VDR: variants seen among roughly 807,000 people sequenced by gnomAD.
VDR encodes the protein vitamin D receptor.
In VDR, 19 loss-of-function variants were observed where a neutral mutation model predicts 39.7. That is an observed-to-expected ratio of 0.48 (90% CI 0.33 to 0.70). The LOEUF is 0.70. VDR is among the 30% of genes least tolerant of loss of function. VDR has a pLI of 0.02. For synonymous variants in VDR, 242 were observed against 215.8 expected (o/e 1.12, Z -1.07); for missense variants, 442 against 570.5 (o/e 0.77, Z 2.29).
chr12:47,868,008 G>A (rs1165146713), intron 3 of VDR, among the ~76,000 whole-genome samples: 1 of 152,134 alleles, frequency 6.6e-6, no homozygotes, highest in Non-Finnish European at 1.5e-5. Context: ...ATCCACAGAG[G>A]GCCCAAGAGA....
At chr12:47,888,541 A>T (rs529939233) in intron 1 of VDR, among the ~76,000 whole-genome samples, 188 of 152,258 alleles carry the variant, frequency 1.2e-3, no homozygotes, top group African/African-American at 4.3e-3. Context: ...CTTTTTTCCA[A>T]TGGAAACTCT....
In VDR at chr12:47,879,060, C is replaced by T. The variant is rs773934852; in HGVS notation, c.54G>A (p.Arg18=). The change falls in exon 3 of 10, where the codon CGG becomes CGA. Residue 18 remains arginine (R), a synonymous_variant. Transcript: ENST00000549336. ...ACACCCCACAGATCCGGGGCACGTT[C>T]CGGTCAAAGTCTCCAGGGTCAGGCA... ...TSLPDPGDFD[R]NVPRICGVCG... 1.9e-6 allele frequency: 3 copies of T among 1,614,178 alleles called. No homozygotes were observed. The highest frequency in any genetic ancestry group is 2.2e-5 in the South Asian group (2 of 91,074).
At chr12:47,891,836 C>T (rs1272582805) in intron 1 of VDR, among the ~76,000 whole-genome samples, 2 of 152,196 alleles carry the variant, frequency 1.3e-5, no homozygotes, top group East Asian at 1.9e-4. Flanking sequence ...GGACCTGAAG[C>T]TTGACTACCT....
intron 1 of VDR, among the ~76,000 whole-genome samples, chr12:47,889,387 C>T (rs1378424864): frequency 6.6e-6 from 1 of 152,110 alleles, no homozygotes; most frequent in East Asian, 2.0e-4. Flanking sequence ...ATGCAGACTG[C>T]AGCAGGTCCT....
In VDR at chr12:47,868,947, G is replaced by C. The variant is rs527746423; in HGVS notation, c.147-3770C>G. Among the ~76,000 whole-genome samples, 114 of 152,278 alleles carry C rather than the reference G, an allele frequency of 7.5e-4. 2 individuals are homozygous for C. The highest frequency in any genetic ancestry group is 2.6e-3 in the African/African-American group (109 of 41,556). Reference sequence around the variant, plus strand: ...CCAGCCACCACCTACAGTGATGTGAGCCAAAGCCTCTCACCAGACTGGGCC... The same window carrying C: ...CCAGCCACCACCTACAGTGATGTGACCCAAAGCCTCTCACCAGACTGGGCC... On this transcript the variant is annotated intron_variant, in intron 3 of 9. Transcript: ENST00000549336.
chr12:47,867,924 G>A (rs184443427), intron 3 of VDR, among the ~76,000 whole-genome samples: 2 of 152,264 alleles, frequency 1.3e-5, no homozygotes, highest in Non-Finnish European at 2.9e-5. Context: ...GGACCACACC[G>A]ACTCAGCCCC....
chr12:47,871,487 G>A (rs558395199), intron 3 of VDR, among the ~76,000 whole-genome samples: 20 of 129,082 alleles, frequency 1.5e-4, no homozygotes, highest in Admixed American at 4.1e-4. Context: ...TTTTCTGGAT[G>A]GAATTTCACT....
chr12:47,862,093 T>C (rs1945637985), intron 4 of VDR, among the ~76,000 whole-genome samples: 1 of 152,250 alleles, frequency 6.6e-6, no homozygotes, highest in Non-Finnish European at 1.5e-5. Context: ...AGAAAAGACA[T>C]ACATCTGTAA....
In VDR at chr12:47,846,461, A is replaced by G; in HGVS notation, c.908-10T>C. On this transcript the variant is annotated splice_polypyrimidine_tract_variant and intron_variant, in intron 8 of 9. Coordinates refer to ENST00000549336, the MANE Select transcript of VDR (RefSeq NM_000376.3). Reference sequence around the variant, plus strand: ...TCCAGGCTGTGTCCGGCTGTGAGAGACAATGGCCAGGTACTGCGGGCAGAG... The same window carrying G: ...TCCAGGCTGTGTCCGGCTGTGAGAGGCAATGGCCAGGTACTGCGGGCAGAG... 1 of 1,562,532 alleles carries G rather than the reference A, an allele frequency of 6.4e-7. No homozygotes were observed. The highest frequency in any genetic ancestry group is 8.7e-7 in the Non-Finnish European group (1 of 1,153,412).
rs1945210833 is a variant in VDR, at chr12:47,843,507, G to C, written c.*1239C>G. 6.6e-6 allele frequency: 1 copy of C among 152,478 alleles called. No individual in the cohort carries two copies. The highest frequency in any genetic ancestry group is 6.5e-5 in the Admixed American group (1 of 15,284). 9.4% of individuals were successfully genotyped at this position (152,478 alleles called of 1,614,324 possible). On this transcript the variant is annotated 3_prime_UTR_variant, in exon 10 of 10. Coordinates refer to ENST00000549336, the MANE Select transcript of VDR (RefSeq NM_000376.3). ...AGACGCTTCCCACCAGCTGGGCTGG[G>C]CTGGCTGCAGAGAGCATGCACTTGA...
At chr12:47,873,351 CTTTTTTTTTTTTTTT>C (rs71077177) in intron 3 of VDR, among the ~76,000 whole-genome samples, 2 of 98,424 alleles carry the variant, frequency 2.0e-5, no homozygotes, top group African/African-American at 4.2e-5. Context: ...AACCTGTTTT[CTTTTTTTTTTTTTTT>C]TTTTTTTTTT....
At chr12:47,890,489 G>T (rs4760650) in intron 1 of VDR, among the ~76,000 whole-genome samples, 76,274 of 151,436 alleles carry the variant, frequency 0.5, 19,637 homozygotes, top group Non-Finnish European at 0.55. Context: ...CACGTCACCA[G>T]GCAGGTTACA....
intron 1 of VDR, among the ~76,000 whole-genome samples, chr12:47,884,921 A>T (rs1946224721): frequency 6.6e-6 from 1 of 152,138 alleles, no homozygotes; most frequent in African/African-American, 2.4e-5. Context: ...TCGACTTTCC[A>T]ATAGTGGACG....
At chr12:47,879,184 G>A in intron 2 of VDR, 69 bp from the exon 3 acceptor site, 3 of 1,567,744 alleles carry the variant, frequency 1.9e-6, no homozygotes, top group South Asian at 1.2e-5. Context: ...CATCCTTGGT[G>A]CCACCCACCC....
chr12:47,882,324 G>A (rs954838396), intron 2 of VDR, among the ~76,000 whole-genome samples: 4 of 152,186 alleles, frequency 2.6e-5, no homozygotes, highest in Non-Finnish European at 5.9e-5. Context: ...GTCCACATGT[G>A]GAGATGTCCA....
At position 47,857,535 on chromosome 12, in the gene VDR, T is replaced by C. The variant is rs1401493620; in HGVS notation, c.431A>G (p.Asp144Gly). ...ILLDAHHKTY[D>G]PTYSDFCQFR... Reference sequence around the variant, plus strand: ...CTGGCAGAAGTCGGAGTAGGTGGGGTCGTAGGTCTTATGGTGGGCGTCCAG... The same window carrying C: ...CTGGCAGAAGTCGGAGTAGGTGGGGCCGTAGGTCTTATGGTGGGCGTCCAG... Residue 144 changes from aspartate to glycine, a missense_variant, in exon 5 of 10, where the codon GAC becomes GGC. By Grantham distance (94) the Asp-to-Gly change is moderately conservative. Around this residue, in one of 5 missense-constraint regions of VDR, gnomAD observed 46 missense variants for 82.0 expected, o/e 0.56. Coordinates refer to ENST00000549336, the MANE Select transcript of VDR (RefSeq NM_000376.3). 1 of 1,613,750 alleles carries C rather than the reference T, an allele frequency of 6.2e-7. No homozygotes were observed. The highest frequency in any genetic ancestry group is 1.7e-5 in the Admixed American group (1 of 59,992).
chr12:47,868,357 G>T (rs989406153), intron 3 of VDR, among the ~76,000 whole-genome samples: 1 of 152,212 alleles, frequency 6.6e-6, no homozygotes, highest in Non-Finnish European at 1.5e-5. Flanking sequence ...AGGTGGAGCA[G>T]CACCAGGCTA....
At chr12:47,866,679 G>C (rs1372014852) in intron 3 of VDR, among the ~76,000 whole-genome samples, 1 of 152,186 alleles carries the variant, frequency 6.6e-6, no homozygotes, top group Non-Finnish European at 1.5e-5. Flanking sequence ...GGAAGAGGAA[G>C]CAGGAGCTCT....
chr12:47,873,365 T>C (rs868473722), intron 3 of VDR, among the ~76,000 whole-genome samples: 39,105 of 119,630 alleles, frequency 0.33, 6,538 homozygotes, highest in Non-Finnish European at 0.38. Context: ...TTTTTTTTTT[T>C]TTTTTTTTTT....
Sources: gnomAD v4.1 joint callset for allele counts (sites outside exome capture counted in the v4.1 genomes callset) on GRCh38, gnomAD v4.1.1 for gene constraint, gnomAD v4.1.1 regional missense constraint, MANE v1.5 for transcripts, NCBI Gene and HGNC (gene_info 2026-07-23, HGNC 2026-07-21) for gene names.